The following ACSM6 variants were observed in gnomAD, a reference collection of about 807,000 sequenced individuals.
ACSM6 encodes acyl-coenzyme A synthetase ACSM6, mitochondrial.
A neutral mutation model predicts 51.1 loss-of-function variants in ACSM6; 35 were observed. The observed-to-expected ratio is 0.69, with a 90% confidence interval of 0.52 to 0.91. The LOEUF is 0.91. Ranked by LOEUF, ACSM6 falls within the 40% of genes least tolerant of loss-of-function variation. ACSM6 has a pLI of 0.00. For missense variants in ACSM6, 509 were observed against 584.1 expected, an observed-to-expected ratio of 0.87 and a Z score of 1.32; for synonymous variants, 172 against 207.3, an observed-to-expected ratio of 0.83 and a Z score of 1.46.
At chr10:95,199,331 A>G (rs2034767373) in intron 2 of ACSM6, among the ~76,000 whole-genome samples, 1 of 152,150 alleles carries the variant, frequency 6.6e-6, no homozygotes, top group Non-Finnish European at 1.5e-5. Context: ...CCTTCCTTAT[A>G]CCTTATACAA....
chr10:95,207,205 C>A lies in ACSM6; in HGVS notation c.404-3C>A. ...TGAAGCCTTCTTTTGTGGTTTTTTT[C>A]AGGAATCACCTTTGTGCCTGGGAGC... On this transcript the variant is annotated splice_region_variant and splice_polypyrimidine_tract_variant and intron_variant, in intron 3 of 10. Coordinates refer to ENST00000341686, the Ensembl canonical transcript of ACSM6. 6.2e-7 allele frequency: 1 copy of A among 1,611,784 alleles called. No homozygotes were observed. Among genetic ancestry groups the A allele is most frequent in the Non-Finnish European group, 8.5e-7 (1 of 1,178,782 alleles).
rs1354782062 is a variant in ACSM6, at chr10:95,228,759, C to T, written c.1418C>T (p.Ala473Val). The T allele has an allele frequency of 2.1e-5, 33 of 1,551,302 alleles. No individual in the cohort carries two copies. The highest frequency in any genetic ancestry group is 2.9e-5 in the Non-Finnish European group (33 of 1,146,856). The change falls in exon 11 of 11, where the codon GCC becomes GTC. Residue 473 changes from alanine to valine, a missense_variant. Transcript: ENST00000341686. The stretch of plus-strand genomic sequence containing the variant: ...TGGTCTGGTAGAGTTGATGATGTTG[C>T]CAATGCATTGGGTCAGAGATTGTGA...
chr10:95,201,117 C>G (rs591171), intron 2 of ACSM6, among the ~76,000 whole-genome samples: 78,878 of 152,042 alleles, frequency 0.52, 21,379 homozygotes, highest in Middle Eastern at 0.66. Flanking sequence ...AGAATCCTAT[C>G]CGCTAGGAGG....
chr10:95,226,771 C>G (rs989001555), intron 10 of ACSM6, among the ~76,000 whole-genome samples: 1 of 152,128 alleles, frequency 6.6e-6, no homozygotes, highest in Non-Finnish European at 1.5e-5. Flanking sequence ...TCAATATAGA[C>G]AACTTTCAGA....
intron 2 of ACSM6, chr10:95,201,756 G>T (rs2034796159): frequency 5.2e-6 from 3 of 580,994 alleles, no homozygotes; most frequent in Non-Finnish European, 6.2e-6. Flanking sequence ...TCTCTCAGGA[G>T]GTTCTTCCCT....
chr10:95,202,318 G>GA, intron 3 of ACSM6, 123 bp downstream of exon 3: 2 of 908,948 alleles, frequency 2.2e-6, no homozygotes, highest in Non-Finnish European at 3.4e-6. Flanking sequence ...CACAGTGTGG[G>GA]GGATCTTTAA....
At chr10:95,210,581 C>T in intron 4 of ACSM6, 69 bp from the exon 5 acceptor site, 1 of 1,478,730 alleles carries the variant, frequency 6.8e-7, no homozygotes, top group Non-Finnish European at 9.1e-7. Context: ...ATTACCAAAC[C>T]CAGGGCCTAG....
At chr10:95,215,729 T>C (rs1446594241) in intron 8 of ACSM6, among the ~76,000 whole-genome samples, 1 of 152,186 alleles carries the variant, frequency 6.6e-6, no homozygotes, top group Non-Finnish European at 1.5e-5. Context: ...ATATCATAGA[T>C]TGAGTGGCTT....
chr10:95,220,078 C>A, intron 9 of ACSM6, 107 bp downstream of exon 9: 2 of 809,744 alleles, frequency 2.5e-6, no homozygotes, highest in Non-Finnish European at 4.0e-6. Flanking sequence ...GTCCACCATT[C>A]TCTAAATTCA....
intron 8 of ACSM6, among the ~76,000 whole-genome samples, chr10:95,218,813 A>G (rs570179001): frequency 7.2e-5 from 11 of 152,326 alleles, no homozygotes; most frequent in African/African-American, 2.6e-4. Flanking sequence ...AGGAACCATA[A>G]AACTAGTTAC....
intron 4 of ACSM6, among the ~76,000 whole-genome samples, chr10:95,208,962 C>T (rs1465633653): frequency 5.9e-5 from 2 of 33,762 alleles, no homozygotes; most frequent in Admixed American, 3.0e-4. Context: ...AAAAAAAAAG[C>T]AGTAAACGAG....
At chr10:95,211,460 C>T (rs1431394499) in intron 5 of ACSM6, among the ~76,000 whole-genome samples, 1 of 152,192 alleles carries the variant, frequency 6.6e-6, no homozygotes, top group Admixed American at 6.5e-5. Flanking sequence ...CACAAAGGTC[C>T]CTTAGCGGAA....
chr10:95,214,753 T>C (rs932652677), intron 7 of ACSM6, 99 bp from the exon 8 acceptor site: 8 of 1,343,164 alleles, frequency 6.0e-6, no homozygotes, highest in African/African-American at 5.9e-5. Context: ...ATTTCCTGTA[T>C]TGGAATAACT....
At chr10:95,194,436 A>G (rs1564584547) in intron 1 of ACSM6, 29 bp from the exon 2 acceptor site, 1 of 1,499,064 alleles carries the variant, frequency 6.7e-7, no homozygotes, top group Non-Finnish European at 9.1e-7. Flanking sequence ...CTGCTCAATT[A>G]CTCCCTGTCT....
chr10:95,196,880 G>A (rs1470621263), intron 2 of ACSM6, among the ~76,000 whole-genome samples: 2 of 152,020 alleles, frequency 1.3e-5, no homozygotes, highest in Non-Finnish European at 2.9e-5. Context: ...GAACCAAGAT[G>A]TATTTATTCT....
chr10:95,219,814 T>C (rs1364286101), intron 8 of ACSM6, 77 bp from the exon 9 acceptor site: 11 of 1,090,602 alleles, frequency 1.0e-5, no homozygotes, highest in African/African-American at 3.1e-5. Flanking sequence ...GCACATAATG[T>C]CTGGTTATGA....
intron 10 of ACSM6, among the ~76,000 whole-genome samples, chr10:95,226,988 CTT>C (rs11342263): frequency 0.013 from 1,766 of 140,094 alleles, 35 homozygotes; most frequent in African/African-American, 0.04. Flanking sequence ...TATATGACAA[CTT>C]TTTTTTTTTT....
chr10:95,216,420 G>A (rs2034944959), intron 8 of ACSM6, among the ~76,000 whole-genome samples: 2 of 152,136 alleles, frequency 1.3e-5, no homozygotes. Context: ...GAAGAGACTG[G>A]GGGTAGAACT....
intron 3 of ACSM6, among the ~76,000 whole-genome samples, chr10:95,206,497 T>C (rs944479646): frequency 1.6e-4 from 24 of 152,266 alleles, no homozygotes; most frequent in African/African-American, 5.8e-4. Flanking sequence ...AAACAGAAGA[T>C]GAAGGTGCAG....
Sources: gnomAD v4.1 joint callset for allele counts (sites outside exome capture counted in the v4.1 genomes callset) on GRCh38, gnomAD v4.1.1 for gene constraint, MANE v1.5 for transcripts, NCBI Gene and HGNC (gene_info 2026-07-23, HGNC 2026-07-21) for gene names.